Variants in GRM5 observed in about 807,000 individuals in gnomAD.
The protein encoded by GRM5 is metabotropic glutamate receptor 5.
GRM5 carries 19 observed loss-of-function variants against 83.1 expected under a neutral mutation model. That is an observed-to-expected ratio of 0.23 (90% CI 0.16 to 0.34). The LOEUF (loss-of-function observed/expected upper bound fraction) is 0.34. Among genes scored for constraint, GRM5 ranks in the 10% least tolerant of loss-of-function variants. The pLI is 1.00. For missense variants in GRM5, 1,160 were observed against 1,588.3 expected, an observed-to-expected ratio of 0.73 and a Z score of 4.58; for synonymous variants, 675 against 633.6, an observed-to-expected ratio of 1.07 and a Z score of -0.98.
chr11:88,994,445 TTA>T (rs58154444), intron 2 of GRM5, among the ~76,000 whole-genome samples: 10,134 of 86,406 alleles, frequency 0.12, 370 homozygotes, highest in Middle Eastern at 0.16. Context: ...CTTTAACTGA[TTA>T]TATATATATA....
chr11:88,729,108 G>T (rs1349931287), intron 3 of GRM5, among the ~76,000 whole-genome samples: 1 of 152,084 alleles, frequency 6.6e-6, no homozygotes, highest in Non-Finnish European at 1.5e-5. Flanking sequence ...TGACATGATT[G>T]TGTCTTTTTA....
intron 2 of GRM5, among the ~76,000 whole-genome samples, chr11:88,867,585 C>T (rs370589613): frequency 1.1e-4 from 17 of 151,718 alleles, no homozygotes; most frequent in African/African-American, 4.1e-4. Flanking sequence ...CCCCAAGTAC[C>T]TCAGAATGTG....
chr11:88,565,528 A>G (rs944152874), intron 8 of GRM5, among the ~76,000 whole-genome samples: 3 of 152,182 alleles, frequency 2.0e-5, no homozygotes, highest in African/African-American at 4.8e-5. Context: ...TTCCTGGGAG[A>G]TTCTGTTTAC....
At chr11:88,879,391 G>A (rs1944913427) in intron 2 of GRM5, among the ~76,000 whole-genome samples, 1 of 151,394 alleles carries the variant, frequency 6.6e-6, no homozygotes, top group Non-Finnish European at 1.5e-5. Flanking sequence ...TTTAAATAGA[G>A]ATACCATAAA....
intron 1 of GRM5, among the ~76,000 whole-genome samples, chr11:89,052,539 C>T (rs897375335): frequency 3.9e-5 from 6 of 152,120 alleles, no homozygotes; most frequent in South Asian, 2.1e-4. Context: ...ATTCTATACA[C>T]TGAAGATTTC....
At chr11:88,812,416 T>C (rs1814406510) in intron 3 of GRM5, among the ~76,000 whole-genome samples, 1 of 152,142 alleles carries the variant, frequency 6.6e-6, no homozygotes, top group Non-Finnish European at 1.5e-5. Flanking sequence ...ACATTTATCA[T>C]AGAGATAAAG....
chr11:88,508,526 TTG>T lies in GRM5; in HGVS notation c.*64_*65del, dbSNP rs147529131. ...CGTAACCAGGCGACTATGCTTGCCATTGTGTGTGTGTGAACACGGGGGGCTCC... is the reference window on the plus strand; with the variant it reads ...CGTAACCAGGCGACTATGCTTGCCATTGTGTGTGTGAACACGGGGGGCTCC... On this transcript the variant is annotated 3_prime_UTR_variant, in exon 10 of 10. Transcript: ENST00000305447. This position sits in a 1 kb window ranked among gnomAD's most constrained non-coding sequence, Gnocchi z 4.2. 1.4e-4 allele frequency: 181 copies of T among 1,308,372 alleles called. No individual in the cohort carries two copies. The highest frequency in any genetic ancestry group is 1.5e-4 in the Non-Finnish European group (142 of 923,274). 81.0% of individuals were successfully genotyped at this position (1,308,372 alleles called of 1,614,324 possible).
chr11:88,514,579 T>G (rs141398754), intron 9 of GRM5, among the ~76,000 whole-genome samples: 27 of 152,236 alleles, frequency 1.8e-4, no homozygotes, highest in African/African-American at 6.5e-4. Context: ...TCAATGGAAT[T>G]TATAATTCAA....
intron 3 of GRM5, among the ~76,000 whole-genome samples, chr11:88,834,088 G>C (rs1944047021): frequency 6.6e-6 from 1 of 152,114 alleles, no homozygotes. Flanking sequence ...TATATTGTTT[G>C]TTCTAAAATA....
intron 8 of GRM5, among the ~76,000 whole-genome samples, chr11:88,527,703 A>G (rs968286593): frequency 1.3e-5 from 2 of 152,168 alleles, no homozygotes; most frequent in Non-Finnish European, 2.9e-5. Flanking sequence ...ATGCCCATCA[A>G]CGGTAAAATG....
chr11:88,547,340 C>G (rs1488061700), intron 8 of GRM5, among the ~76,000 whole-genome samples: 1 of 151,952 alleles, frequency 6.6e-6, no homozygotes, highest in Non-Finnish European at 1.5e-5. Flanking sequence ...ACTAATACTC[C>G]AGAATTGAAA....
chr11:88,524,362 C>T (rs139587728), intron 9 of GRM5, among the ~76,000 whole-genome samples: 3,418 of 151,964 alleles, frequency 0.022, 56 homozygotes, highest in Non-Finnish European at 0.035. Flanking sequence ...GAATTACAAG[C>T]GTGTGCCACC....
At chr11:89,032,578 A>G (rs1941285501) in intron 2 of GRM5, among the ~76,000 whole-genome samples, 1 of 152,060 alleles carries the variant, frequency 6.6e-6, no homozygotes, top group African/African-American at 2.4e-5. Context: ...TACTAGCAGG[A>G]ACTAACATTT....
chr11:88,834,575 A>T (rs1240240197), intron 3 of GRM5, among the ~76,000 whole-genome samples: 1 of 148,770 alleles, frequency 6.7e-6, no homozygotes, highest in Non-Finnish European at 1.5e-5. Context: ...AAGGAAATAA[A>T]ACCTACGAAG....
intron 2 of GRM5, among the ~76,000 whole-genome samples, chr11:88,888,086 C>T (rs1165869696): frequency 6.6e-6 from 1 of 152,100 alleles, no homozygotes; most frequent in Non-Finnish European, 1.5e-5. Flanking sequence ...CTCACTTACC[C>T]CTACAGAAAA....
intron 3 of GRM5, 113 bp from the exon 4 acceptor site, chr11:88,653,516 G>A (rs1337613513): frequency 1.5e-6 from 1 of 660,314 alleles, no homozygotes; most frequent in Non-Finnish European, 2.6e-6. Context: ...CAGGCCCCAT[G>A]ATGGTCCTAT....
intron 3 of GRM5, among the ~76,000 whole-genome samples, chr11:88,806,484 C>T (rs891267660): frequency 1.3e-5 from 2 of 152,094 alleles, no homozygotes; most frequent in Admixed American, 6.6e-5. Context: ...CAAATGAGTT[C>T]GAATTCCTTT....
chr11:88,853,477 C>G (rs1944421456), intron 2 of GRM5, among the ~76,000 whole-genome samples: 1 of 151,720 alleles, frequency 6.6e-6, no homozygotes, highest in Admixed American at 6.6e-5. Flanking sequence ...CTAAAATAAT[C>G]AGGAGGCAGC....
intron 2 of GRM5, among the ~76,000 whole-genome samples, chr11:89,026,228 G>T (rs1166521416): frequency 1.3e-5 from 2 of 152,126 alleles, no homozygotes; most frequent in Non-Finnish European, 2.9e-5. Flanking sequence ...CATTACACAG[G>T]TGACAAAATA....
Sources: gnomAD v4.1 joint callset for allele counts (sites outside exome capture counted in the v4.1 genomes callset) on GRCh38, gnomAD v4.1.1 for gene constraint, Gnocchi (gnomAD v3.1) non-coding constraint, MANE v1.5 for transcripts, NCBI Gene and HGNC (gene_info 2026-07-23, HGNC 2026-07-21) for gene names.